Variants in DTNA observed in about 807,000 individuals in gnomAD.
DTNA encodes the protein dystrophin-related protein 3.
In DTNA, 43 loss-of-function variants were observed where a neutral mutation model predicts 100.7. That is an observed-to-expected ratio of 0.43 (90% CI 0.33 to 0.55). The LOEUF (loss-of-function observed/expected upper bound fraction) is 0.55, where lower values mean the gene tolerates loss of function less well. Among genes scored for constraint, DTNA ranks in the 20% least tolerant of loss-of-function variants. The pLI, the probability that DTNA is intolerant of heterozygous loss-of-function variation, is 0.04. For missense variants in DTNA, 798 were observed against 953.9 expected (o/e 0.84, Z 2.15); for synonymous variants, 349 against 347.9 (o/e 1.00, Z -0.04).
intron 1 of DTNA, among the ~76,000 whole-genome samples, chr18:34,525,869 A>G (rs191885088): frequency 1.9e-4 from 29 of 152,258 alleles, no homozygotes; most frequent in Non-Finnish European, 1.8e-4. Flanking sequence ...TCATTCATGT[A>G]TTTACCCTGG....
In DTNA at chr18:34,622,514, C is replaced by A. The variant is rs142601052; in HGVS notation, c.-2+129000C>A. ...TGATAAAGCATTATTTTGGGGTGTG[C>A]CTGTGAAGGTGTTTCCGGAGAAGAT... On this transcript the variant is annotated intron_variant, in intron 1 of 19. Coordinates refer to the DTNA transcript ENST00000283365. Among the ~76,000 whole-genome samples the A allele has an allele frequency of 1.5e-3, 221 of 152,174 alleles. 2 individuals carry two copies. Among genetic ancestry groups the A allele is most frequent in the African/African-American group, 4.9e-3 (204 of 41,510 alleles).
At position 34,625,018 on chromosome 18, in the gene DTNA, G is replaced by A. The variant is rs537908069; in HGVS notation, c.-1-130958G>A. ...TGAGTAGCTGAGACTACAGGCAGAT[G>A]CCACCACAGCCAGTTAATTTTTTTT... On this transcript the variant is annotated intron_variant, in intron 1 of 19. Transcript: ENST00000283365. 3.3e-5 allele frequency among the ~76,000 whole-genome samples: 5 copies of A among 151,564 alleles called. No homozygotes were observed. The South Asian group carries it at 1.0e-3, about 32-fold the overall frequency.
intron 17 of DTNA, among the ~76,000 whole-genome samples, chr18:34,873,178 T>C (rs2096782139): frequency 6.6e-6 from 1 of 152,210 alleles, no homozygotes; most frequent in South Asian, 2.1e-4. Flanking sequence ...GCTTTGTACA[T>C]TGAATTACTT....
chr18:34,550,818 T>C (rs1391167890), intron 1 of DTNA, among the ~76,000 whole-genome samples: 1 of 152,204 alleles, frequency 6.6e-6, no homozygotes, highest in Non-Finnish European at 1.5e-5. Context: ...AAAATGTCTT[T>C]AAAAGATTAT....
At chr18:34,830,096 A>T (rs1240620911) in intron 11 of DTNA, among the ~76,000 whole-genome samples, 5 of 152,214 alleles carry the variant, frequency 3.3e-5, no homozygotes, top group Non-Finnish European at 5.9e-5. Flanking sequence ...ATAAACTAAG[A>T]TGGATAGAAA....
chr18:34,828,994 C>A, intron 10 of DTNA: 2 of 1,608,688 alleles, frequency 1.2e-6, no homozygotes, highest in South Asian at 1.1e-5. Context: ...AAATATCAAG[C>A]AGAGGTAGAC....
At chr18:34,746,728 A>G (rs926192324) in intron 1 of DTNA, among the ~76,000 whole-genome samples, 4 of 152,134 alleles carry the variant, frequency 2.6e-5, no homozygotes, top group Admixed American at 6.6e-5. Context: ...TGAACCTCAC[A>G]TGCATAACAG....
At chr18:34,605,308 A>G (rs772742114) in intron 1 of DTNA, among the ~76,000 whole-genome samples, 29 of 152,300 alleles carry the variant, frequency 1.9e-4, no homozygotes, top group Non-Finnish European at 3.5e-4. Context: ...CTTATTTTGA[A>G]TACCAAATGT....
intron 1 of DTNA, among the ~76,000 whole-genome samples, chr18:34,754,850 C>A (rs2092661074): frequency 2.0e-5 from 3 of 152,072 alleles, no homozygotes. Flanking sequence ...CAAACCCAGG[C>A]AGTTGTAGAA....
At chr18:34,867,479 T>C (rs1017658266) in intron 17 of DTNA, 95 of 1,213,820 alleles carry the variant, frequency 7.8e-5, no homozygotes, top group Non-Finnish European at 9.4e-5. Flanking sequence ...TGCTATTGTA[T>C]TTCCAATACA....
At chr18:34,735,702 C>G (rs1446197760) in intron 1 of DTNA, among the ~76,000 whole-genome samples, 1 of 152,092 alleles carries the variant, frequency 6.6e-6, no homozygotes, top group African/African-American at 2.4e-5. Flanking sequence ...ATTTTTAGTT[C>G]TGGGGTACAT....
At chr18:34,616,950 C>G (rs1333855564) in intron 1 of DTNA, among the ~76,000 whole-genome samples, 1 of 152,078 alleles carries the variant, frequency 6.6e-6, no homozygotes, top group Non-Finnish European at 1.5e-5. Flanking sequence ...TGAAGAAATG[C>G]TACTGATTTT....
chr18:34,695,202 G>T (rs73946139), intron 1 of DTNA, among the ~76,000 whole-genome samples: 4,993 of 152,170 alleles, frequency 0.033, 257 homozygotes, highest in African/African-American at 0.11. Context: ...GTTATTAATA[G>T]GAATTCTTCC....
chr18:34,521,901 C>T (rs553158170), intron 1 of DTNA, among the ~76,000 whole-genome samples: 1 of 152,292 alleles, frequency 6.6e-6, no homozygotes, highest in East Asian at 1.9e-4. Flanking sequence ...TCTCTCTCCC[C>T]CACTACAATG....
At chr18:34,835,618 C>T (rs192423761) in intron 11 of DTNA, among the ~76,000 whole-genome samples, 3 of 152,232 alleles carry the variant, frequency 2.0e-5, no homozygotes, top group African/African-American at 4.8e-5. Context: ...TCCGGCCTAT[C>T]GCCCCCTTCT....
intron 1 of DTNA, among the ~76,000 whole-genome samples, chr18:34,567,770 A>G (rs1192726341): frequency 6.6e-6 from 1 of 152,224 alleles, no homozygotes; most frequent in African/African-American, 2.4e-5. Context: ...GAAAAATTCA[A>G]TAGTGTATAT....
At chr18:34,834,967 A>G (rs2096106819) in intron 11 of DTNA, among the ~76,000 whole-genome samples, 1 of 152,246 alleles carries the variant, frequency 6.6e-6, no homozygotes, top group Non-Finnish European at 1.5e-5. Context: ...TCTGGTGGAA[A>G]GTACTTCAAG....
intron 1 of DTNA, among the ~76,000 whole-genome samples, chr18:34,731,283 T>C (rs1395771432): frequency 6.6e-6 from 1 of 151,986 alleles, no homozygotes; most frequent in African/African-American, 2.4e-5. Flanking sequence ...ATCGAGACCA[T>C]CCTGGCTAAC....
intron 3 of DTNA, among the ~76,000 whole-genome samples, chr18:34,773,470 G>A (rs1301249812): frequency 6.6e-6 from 1 of 152,210 alleles, no homozygotes; most frequent in African/African-American, 2.4e-5. Context: ...AGGAAAAGCA[G>A]GAATATTCAC....
Sources: allele counts gnomAD v4.1 joint callset (sites outside exome capture counted in the v4.1 genomes callset), GRCh38; gene constraint gnomAD v4.1.1; transcripts MANE v1.5; gene names NCBI Gene and HGNC (gene_info 2026-07-23, HGNC 2026-07-21).